NBAS: variants seen among roughly 807,000 people sequenced by gnomAD.
NBAS encodes NBAS subunit of NRZ tethering complex, also known as NAG/BC035112 fusion.
Under a neutral mutation model 302.5 loss-of-function variants are expected in NBAS, and 219 were observed. The ratio of observed to expected loss-of-function variants is 0.72; its 90% CI spans 0.65 to 0.81. The LOEUF (loss-of-function observed/expected upper bound fraction) is 0.81. Ranked by LOEUF, NBAS falls within the 30% of genes least tolerant of loss-of-function variation. NBAS has a pLI of 0.00. For missense variants in NBAS, 2,932 were observed against 2,841.6 expected (o/e 1.03, Z -0.72); for synonymous variants, 1,118 against 1,021.6 (o/e 1.09, Z -1.80).
chr2:15,352,433 G>A (rs1015362577), intron 34 of NBAS, among the ~76,000 whole-genome samples: 2 of 152,196 alleles, frequency 1.3e-5, no homozygotes, highest in African/African-American at 4.8e-5. Context: ...GAGCAAGAGT[G>A]AAAGTTTATT....
At chr2:15,016,071 C>A in the NBAS span, among the ~76,000 whole-genome samples, 1 of 151,980 alleles carries the variant, frequency 6.6e-6, no homozygotes, top group Non-Finnish European at 1.5e-5. Context: ...AGTTCATTTT[C>A]ACATTGCTGA....
the NBAS span, among the ~76,000 whole-genome samples, chr2:15,126,441 A>C: frequency 6.6e-6 from 1 of 152,114 alleles, no homozygotes; most frequent in Non-Finnish European, 1.5e-5. Flanking sequence ...AGGGAAGGGA[A>C]AGTGGCCACT....
At chr2:15,204,023 A>T (rs1181977648) in intron 48 of NBAS, among the ~76,000 whole-genome samples, 1 of 151,930 alleles carries the variant, frequency 6.6e-6, no homozygotes, top group Non-Finnish European at 1.5e-5. Context: ...GCACTTTGGG[A>T]GGTTGGGGCA....
chr2:15,098,621 T>A, the NBAS span, among the ~76,000 whole-genome samples: 2 of 132,040 alleles, frequency 1.5e-5, no homozygotes, highest in Non-Finnish European at 3.1e-5. Flanking sequence ...TAATGTATTA[T>A]ATATTGTATA....
chr2:14,965,359 C>T, the NBAS span, among the ~76,000 whole-genome samples: 31 of 152,006 alleles, frequency 2.0e-4, no homozygotes, highest in East Asian at 6.0e-3. Flanking sequence ...ATAGATTCTA[C>T]AGATATTAAA....
At chr2:15,507,129 A>T (rs968370138) in intron 10 of NBAS, among the ~76,000 whole-genome samples, 4 of 152,226 alleles carry the variant, frequency 2.6e-5, no homozygotes, top group African/African-American at 9.6e-5. Context: ...CTAAGAGGTA[A>T]CAAAATTCCT....
chr2:14,904,698 C>T, the NBAS span, among the ~76,000 whole-genome samples: 1 of 152,108 alleles, frequency 6.6e-6, no homozygotes, highest in African/African-American at 2.4e-5. Flanking sequence ...GAACTGAACA[C>T]CTGCTATTCT....
chr2:15,232,631 A>G (rs1667427898), intron 46 of NBAS, 120 bp from the exon 47 acceptor site: 2 of 811,102 alleles, frequency 2.5e-6, no homozygotes, highest in East Asian at 2.7e-5. Context: ...GCCTGCCCAT[A>G]GTCATTTGTG....
At chr2:15,418,102 C>G (rs1209101198) in intron 23 of NBAS, among the ~76,000 whole-genome samples, 1 of 152,236 alleles carries the variant, frequency 6.6e-6, no homozygotes, top group Admixed American at 6.5e-5. Context: ...TATTACCACT[C>G]TGCTTCCAAA....
At chr2:15,054,039 C>T in the NBAS span, among the ~76,000 whole-genome samples, 1 of 152,008 alleles carries the variant, frequency 6.6e-6, no homozygotes, top group Non-Finnish European at 1.5e-5. Context: ...GAGATCATTG[C>T]TTTGTCATGG....
chr2:15,535,172 G>C (rs1489065929), intron 8 of NBAS, among the ~76,000 whole-genome samples: 2 of 152,202 alleles, frequency 1.3e-5, no homozygotes, highest in Admixed American at 1.3e-4. Flanking sequence ...TGGGGAACTG[G>C]ATCCAGGATG....
the NBAS span, among the ~76,000 whole-genome samples, chr2:14,809,553 G>C: frequency 2.0e-5 from 3 of 152,218 alleles, no homozygotes; most frequent in African/African-American, 7.2e-5. Flanking sequence ...GATTTCACAG[G>C]ATGTATGGAA....
intron 27 of NBAS, among the ~76,000 whole-genome samples, chr2:15,394,705 T>C (rs560299649): frequency 1.3e-5 from 2 of 152,248 alleles, no homozygotes; most frequent in East Asian, 3.9e-4. Context: ...TATTGAGTAT[T>C]CTGTTATAGG....
At chr2:14,994,029 A>AGGG in the NBAS span, among the ~76,000 whole-genome samples, 1 of 152,098 alleles carries the variant, frequency 6.6e-6, no homozygotes, top group Admixed American at 6.5e-5. Flanking sequence ...TAAAAATTAG[A>AGGG]ATTTATCTCT....
chr2:14,915,953 T>C, the NBAS span, among the ~76,000 whole-genome samples: 1 of 152,142 alleles, frequency 6.6e-6, no homozygotes, highest in Admixed American at 6.5e-5. Context: ...CCTTGCCTAC[T>C]GCCATGATTG....
At chr2:14,805,838 C>T in the NBAS span, among the ~76,000 whole-genome samples, 2,334 of 152,232 alleles carry the variant, frequency 0.015, 66 homozygotes, top group African/African-American at 0.052. Flanking sequence ...CTTCAGTGCA[C>T]CTCTACTTTC....
the NBAS span, among the ~76,000 whole-genome samples, chr2:15,126,196 C>T: frequency 6.6e-6 from 1 of 152,212 alleles, no homozygotes; most frequent in African/African-American, 2.4e-5. Context: ...CTCTATTTCT[C>T]ACTCCTGCTC....
chr2:14,798,473 C>A, the NBAS span, among the ~76,000 whole-genome samples: 3 of 152,074 alleles, frequency 2.0e-5, no homozygotes, highest in Non-Finnish European at 4.4e-5. Context: ...TTGTCAGATT[C>A]AATTTGTCAA....
intron 29 of NBAS, among the ~76,000 whole-genome samples, chr2:15,382,073 G>C (rs1013352833): frequency 6.8e-6 from 1 of 147,650 alleles, no homozygotes; most frequent in South Asian, 2.2e-4. Context: ...TATTAAAAAT[G>C]AGTTAGGTCA....
Sources: allele counts gnomAD v4.1 joint callset (sites outside exome capture counted in the v4.1 genomes callset), GRCh38; gene constraint gnomAD v4.1.1; transcripts MANE v1.5; gene names NCBI Gene and HGNC (gene_info 2026-07-23, HGNC 2026-07-21).